The following ARHGAP22 variants were observed in gnomAD, a reference collection of about 807,000 sequenced individuals.
ARHGAP22 encodes rho GTPase-activating protein 22.
In ARHGAP22, 48 loss-of-function variants were observed where a neutral mutation model predicts 59.1. The observed-to-expected ratio is 0.81, with a 90% CI of 0.64 to 1.03. The LOEUF (loss-of-function observed/expected upper bound fraction) is 1.03, where lower values mean the gene tolerates loss of function less well. ARHGAP22 is among the 50% of genes least tolerant of loss of function. ARHGAP22 has a pLI of 0.00. For synonymous variants in ARHGAP22, 445 were observed against 416.4 expected, an observed-to-expected ratio of 1.07 and a Z score of -0.84; for missense variants, 1,015 against 958.7, an observed-to-expected ratio of 1.06 and a Z score of -0.78.
intron 3 of ARHGAP22, among the ~76,000 whole-genome samples, chr10:48,551,991 G>A (rs1405086189): frequency 6.6e-6 from 1 of 152,238 alleles, no homozygotes; most frequent in Non-Finnish European, 1.5e-5. Context: ...GTGGGCAACA[G>A]GGCCTGCACT....
Position 48,604,094 on chromosome 10 carries a change from A to G in ARHGAP22, c.34+669T>C, listed in dbSNP as rs2060539388. The stretch of plus-strand genomic sequence containing the variant: ...TGTTGTCCATGGAGATGCTGTCTCT[A>G]GCCCCATACAGTGGCCAAGTCTTCA... On this transcript the variant is annotated intron_variant, in intron 1 of 9. Transcript: ENST00000249601. Among the ~76,000 whole-genome samples the G allele has an allele frequency of 3.9e-5, 6 of 152,366 alleles. No individual in the cohort carries two copies. In the South Asian group the frequency reaches 1.2e-3, roughly 32 times the overall value.
chr10:48,528,222 A>G (rs2054508031), intron 3 of ARHGAP22, among the ~76,000 whole-genome samples: 1 of 152,086 alleles, frequency 6.6e-6, no homozygotes, highest in Admixed American at 6.6e-5. Flanking sequence ...CATAGTTCCA[A>G]TGCAGGAGTC....
In ARHGAP22 at chr10:48,450,251, A is replaced by G; in HGVS notation, c.1868+10T>C. On this transcript the variant is annotated intron_variant, in intron 9 of 9. Coordinates refer to ENST00000249601, the MANE Select transcript of ARHGAP22 (RefSeq NM_021226.4). Reference sequence around the variant, plus strand: ...CCCGTCACAGGAGGCTCCACGGGGCAGCAAGTTACCTTTTCACACTCCTCT... The same window carrying G: ...CCCGTCACAGGAGGCTCCACGGGGCGGCAAGTTACCTTTTCACACTCCTCT... The G allele has an allele frequency of 1.2e-6, 2 of 1,607,388 alleles. No individual in the cohort carries two copies. The highest frequency in any genetic ancestry group is 1.1e-5 in the South Asian group (1 of 89,830).
chr10:48,464,036 A>C (rs923131795), intron 4 of ARHGAP22, among the ~76,000 whole-genome samples: 2 of 152,032 alleles, frequency 1.3e-5, no homozygotes, highest in African/African-American at 4.8e-5. Context: ...CTGCTGTCCC[A>C]TCTCCTACCC....
chr10:48,469,475 C>T (rs1337256789), intron 4 of ARHGAP22, among the ~76,000 whole-genome samples: 2 of 152,228 alleles, frequency 1.3e-5, no homozygotes, highest in Non-Finnish European at 2.9e-5. Context: ...GCTGTGTGTA[C>T]AACAGCTCCC....
rs1333313058 is a variant in ARHGAP22 at position 48,509,276 on chromosome 10, T to G, written c.323-29512A>C. Among the ~76,000 whole-genome samples the G allele has an allele frequency of 3.3e-5, 5 of 152,242 alleles. No homozygotes were observed. The East Asian group carries it at 9.7e-4, about 29-fold the overall frequency. On this transcript the variant is annotated intron_variant, in intron 3 of 9. Coordinates refer to ENST00000249601, the MANE Select transcript of ARHGAP22 (RefSeq NM_021226.4). ...CAGCGTGGGGGACCAGAGTCTCTGC[T>G]GGACCCCATGGGGCATCGCTCAGGA...
exon 1 of ARHGAP22, chr10:48,652,244 G>C: frequency 6.5e-7 from 1 of 1,535,540 alleles, no homozygotes; most frequent in Non-Finnish European, 8.7e-7. Context: ...TGAAATATCT[G>C]GCTGCAAACG....
At chr10:48,495,558 C>A (rs1270923471) in intron 3 of ARHGAP22, among the ~76,000 whole-genome samples, 1 of 152,196 alleles carries the variant, frequency 6.6e-6, no homozygotes, top group Non-Finnish European at 1.5e-5. Flanking sequence ...GATCTGAATG[C>A]CCCAGGCAGT....
At chr10:48,579,485 G>C (rs548623250) in intron 2 of ARHGAP22, among the ~76,000 whole-genome samples, 1 of 152,346 alleles carries the variant, frequency 6.6e-6, no homozygotes, top group East Asian at 1.9e-4. Context: ...GCACTTCCAG[G>C]CTCTGCTGTG....
At chr10:48,516,046 G>T (rs773572719) in intron 3 of ARHGAP22, among the ~76,000 whole-genome samples, 12 of 150,834 alleles carry the variant, frequency 8.0e-5, no homozygotes, top group Non-Finnish European at 1.3e-4. Context: ...AAAAAAACTA[G>T]AAAAACAATA....
intron 3 of ARHGAP22, among the ~76,000 whole-genome samples, chr10:48,551,514 A>G (rs2056888683): frequency 6.6e-6 from 1 of 152,218 alleles, no homozygotes; most frequent in African/African-American, 2.4e-5. Context: ...TCCAAGCAAG[A>G]CACAAATGCC....
chr10:48,620,049 G>A (rs750915173), intron 1 of ARHGAP22, among the ~76,000 whole-genome samples: 11 of 152,096 alleles, frequency 7.2e-5, no homozygotes, highest in African/African-American at 2.2e-4. Context: ...GAAAGCTAAC[G>A]AGCAAACTAT....
chr10:48,630,876 C>T (rs1359721818), intron 1 of ARHGAP22, among the ~76,000 whole-genome samples: 1 of 152,208 alleles, frequency 6.6e-6, no homozygotes, highest in Non-Finnish European at 1.5e-5. Flanking sequence ...GGGAGAACAT[C>T]TAGTTTCTCA....
At chr10:48,604,100 A>C (rs1047534424) in intron 1 of ARHGAP22, among the ~76,000 whole-genome samples, 29 of 152,234 alleles carry the variant, frequency 1.9e-4, no homozygotes, top group African/African-American at 6.5e-4. Context: ...CTCTAGCCCC[A>C]TACAGTGGCC....
chr10:48,461,621 C>T (rs977220363), intron 4 of ARHGAP22, among the ~76,000 whole-genome samples: 1 of 152,174 alleles, frequency 6.6e-6, no homozygotes, highest in African/African-American at 2.4e-5. Context: ...TTCCTGGCAG[C>T]CCAGGCAAAG....
At chr10:48,579,864 T>C (rs2059001680) in intron 2 of ARHGAP22, among the ~76,000 whole-genome samples, 1 of 152,224 alleles carries the variant, frequency 6.6e-6, no homozygotes, top group African/African-American at 2.4e-5. Context: ...TTACATGCCG[T>C]TCATGCAATT....
chr10:48,454,957 C>T, intron 6 of ARHGAP22, 45 bp downstream of exon 6: 1 of 1,529,506 alleles, frequency 6.5e-7, no homozygotes, highest in Non-Finnish European at 8.8e-7. Context: ...CAGGCTGCCA[C>T]CCAGCCAGCC....
intron 3 of ARHGAP22, among the ~76,000 whole-genome samples, chr10:48,551,947 C>T (rs1229034590): frequency 2.0e-5 from 3 of 152,254 alleles, no homozygotes; most frequent in Non-Finnish European, 2.9e-5. Context: ...TCAAGCTCCA[C>T]TCCTATCTAG....
intron 2 of ARHGAP22, among the ~76,000 whole-genome samples, chr10:48,566,805 A>T (rs2058071969): frequency 6.6e-6 from 1 of 152,106 alleles, no homozygotes; most frequent in Non-Finnish European, 1.5e-5. Context: ...GGGGCTTTGA[A>T]CTCAGAACAC....
Sources: gnomAD v4.1 joint callset for allele counts (sites outside exome capture counted in the v4.1 genomes callset) on GRCh38, gnomAD v4.1.1 for gene constraint, MANE v1.5 for transcripts, NCBI Gene and HGNC (gene_info 2026-07-23, HGNC 2026-07-21) for gene names.